The following USP24 variants were observed in gnomAD, a reference collection of about 807,000 sequenced individuals.
USP24 encodes ubiquitin carboxyl-terminal hydrolase 24.
A neutral mutation model predicts 361.6 loss-of-function variants in USP24; 97 were observed. The observed-to-expected ratio is 0.27, with a 90% CI of 0.23 to 0.32. The LOEUF is 0.32. Among genes scored for constraint, USP24 ranks in the 10% least tolerant of loss-of-function variants. The pLI is 1.00. For synonymous variants in USP24, 1,098 were observed against 1,124.6 expected, an observed-to-expected ratio of 0.98 and a Z score of 0.47; for missense variants, 2,353 against 3,165.6, an observed-to-expected ratio of 0.74 and a Z score of 6.16.
At chr1:55,121,620 C>T (rs1040558836) in intron 36 of USP24, 114 bp from the exon 37 acceptor site, 7 of 812,638 alleles carry the variant, frequency 8.6e-6, no homozygotes, top group Admixed American at 2.8e-5. Context: ...CTTTTACATA[C>T]AATAATTCAG....
intron 1 of USP24, among the ~76,000 whole-genome samples, chr1:55,197,239 C>A (rs1320826892): frequency 6.6e-6 from 1 of 151,654 alleles, no homozygotes; most frequent in Admixed American, 6.6e-5. Context: ...CTTATCATAC[C>A]CCCTACCCAC....
intron 32 of USP24, among the ~76,000 whole-genome samples, chr1:55,127,069 TTTTC>T (rs1230506359): frequency 2.0e-5 from 3 of 152,180 alleles, no homozygotes; most frequent in East Asian, 1.9e-4. Context: ...CCTCAGTTTT[TTTTC>T]TAAATTATTA....
At chr1:55,182,192 T>C (rs995271928) in intron 1 of USP24, among the ~76,000 whole-genome samples, 1 of 152,088 alleles carries the variant, frequency 6.6e-6, no homozygotes, top group African/African-American at 2.4e-5. Context: ...GCTGGGACTA[T>C]AGGCATGTGC....
chr1:55,095,189 A>G (rs1251247416), intron 51 of USP24, 66 bp downstream of exon 51: 1 of 1,512,324 alleles, frequency 6.6e-7, no homozygotes, highest in Non-Finnish European at 8.9e-7. Flanking sequence ...CTCAAATAGT[A>G]TATTGTCACA....
At chr1:55,077,176 A>G in intron 62 of USP24, 59 bp downstream of exon 62, 10 of 1,340,998 alleles carry the variant, frequency 7.5e-6, no homozygotes, top group South Asian at 1.8e-5. Context: ...TTTTATTTAT[A>G]AACACTTGTT....
At position 55,092,009 on chromosome 1, in the gene USP24, A is replaced by G. The variant is rs774158194; in HGVS notation, c.6554+14T>C. The G allele has an allele frequency of 1.7e-5, 27 of 1,579,822 alleles. No individual in the cohort carries two copies. The highest frequency in any genetic ancestry group is 1.8e-5 in the Non-Finnish European group (21 of 1,154,448). ...CTCTGTCACAACAGATTATCAAAAC[A>G]TATCACTTCTCACCTGAGTTTCTTC... On this transcript the variant is annotated intron_variant, in intron 54 of 67. Transcript: ENST00000294383.
chr1:55,180,306 T>C (rs1183408087), intron 1 of USP24, among the ~76,000 whole-genome samples: 2 of 152,124 alleles, frequency 1.3e-5, no homozygotes, highest in Non-Finnish European at 2.9e-5. Flanking sequence ...GCACTACAGC[T>C]TCCTCCTGGT....
At position 55,147,669 on chromosome 1, in the gene USP24, C is replaced by T. The variant is rs748856755; in HGVS notation, c.2098G>A (p.Gly700Ser). ...GGLSGSTLVDGRYTYREYLEA... is the reference protein window; with the variant it reads ...GGLSGSTLVDSRYTYREYLEA... ...GATACCTCCCGGTAAGTGTACCGGCCATCCACTAGTGTCGAGCCACTTAAG... is the reference window on the plus strand; with the variant it reads ...GATACCTCCCGGTAAGTGTACCGGCTATCCACTAGTGTCGAGCCACTTAAG... Residue 700 changes from glycine (G) to serine (S), a missense_variant, in exon 18 of 68, where the codon GGC (glycine) becomes AGC (serine). By Grantham distance (56) the Gly-to-Ser change is moderately conservative. Around this residue, in one of 8 missense-constraint regions of USP24, gnomAD observed 949 missense variants for 1,280.5 expected, o/e 0.74. Coordinates refer to ENST00000294383, the MANE Select transcript of USP24 (RefSeq NM_015306.3). 6.2e-7 allele frequency: 1 copy of T among 1,609,274 alleles called. No homozygotes were observed. The highest frequency in any genetic ancestry group is 8.5e-7 in the Non-Finnish European group (1 of 1,177,818).
intron 33 of USP24, 46 bp downstream of exon 33, chr1:55,125,617 A>G: frequency 6.3e-7 from 1 of 1,576,472 alleles, no homozygotes; most frequent in Admixed American, 1.8e-5. Flanking sequence ...TTGCGAAGAA[A>G]AAGTCAAGTA....
At chr1:55,155,706 T>G (rs1385718714) in intron 12 of USP24, among the ~76,000 whole-genome samples, 1 of 152,166 alleles carries the variant, frequency 6.6e-6, no homozygotes, top group Non-Finnish European at 1.5e-5. Flanking sequence ...GCCAACTTCC[T>G]GTTACGTTCT....
chr1:55,190,524 A>G (rs1644259093), intron 1 of USP24, among the ~76,000 whole-genome samples: 1 of 152,224 alleles, frequency 6.6e-6, no homozygotes, highest in Non-Finnish European at 1.5e-5. Context: ...ATAGCTCCGA[A>G]CAGACATAAT....
chr1:55,186,422 C>T (rs562380657), intron 1 of USP24, among the ~76,000 whole-genome samples: 12 of 152,318 alleles, frequency 7.9e-5, no homozygotes, highest in Admixed American at 7.2e-4. Flanking sequence ...CTACTGGATA[C>T]ACACATACCA....
intron 57 of USP24, 60 bp downstream of exon 57, chr1:55,083,712 A>C (rs1421392188): frequency 1.1e-5 from 15 of 1,329,680 alleles, no homozygotes; most frequent in East Asian, 1.0e-4. Flanking sequence ...CCAGTCTAAA[A>C]ATTTTTTAGA....
intron 67 of USP24, among the ~76,000 whole-genome samples, chr1:55,069,872 C>CAAAAAAAA (rs11365818): frequency 5.6e-5 from 2 of 35,666 alleles, no homozygotes; most frequent in African/African-American, 1.2e-4. Context: ...CACTCCATCT[C>CAAAAAAAA]AAAAAAAAAA....
intron 59 of USP24, 134 bp from the exon 60 acceptor site, chr1:55,079,793 T>TCACACA: frequency 9.5e-7 from 1 of 1,051,220 alleles, no homozygotes; most frequent in Non-Finnish European, 1.3e-6. Flanking sequence ...ACTCACACAC[T>TCACACA]GAGTACTCAC....
At chr1:55,086,364 A>G in intron 55 of USP24, 4 of 323,496 alleles carry the variant, frequency 1.2e-5, no homozygotes, top group Non-Finnish European at 2.4e-5. Flanking sequence ...TCTTGAAGGG[A>G]ATACCTAGAG....
Position 55,068,052 on chromosome 1 carries a change from G to A in USP24, c.*993C>T, listed in dbSNP as rs1318937311. ...TAACTATGAAACTCACAAGCAGTGT[G>A]TACCAACTCAAATAGTTAACTTCAT... On this transcript the variant is annotated 3_prime_UTR_variant, in exon 68 of 68. Transcript: ENST00000294383. 6.6e-6 allele frequency: 1 copy of A among 152,222 alleles called. No individual in the cohort carries two copies. Among genetic ancestry groups the A allele is most frequent in the Non-Finnish European group, 1.5e-5 (1 of 68,040 alleles). The allele number at this position is 152,222 out of a possible 1,614,324, so 9.4% of individuals were successfully genotyped here.
intron 35 of USP24, among the ~76,000 whole-genome samples, chr1:55,124,102 A>T (rs1170273721): frequency 2.6e-5 from 4 of 152,214 alleles, no homozygotes; most frequent in African/African-American, 4.8e-5. Flanking sequence ...AAGAGGCCTA[A>T]TGAAAAATAA....
At chr1:55,163,780 G>T (rs1216563196) in intron 7 of USP24, among the ~76,000 whole-genome samples, 1 of 151,958 alleles carries the variant, frequency 6.6e-6, no homozygotes, top group Non-Finnish European at 1.5e-5. Context: ...AACAAAATGA[G>T]GACTGAAAAT....
Sources: allele counts gnomAD v4.1 joint callset (sites outside exome capture counted in the v4.1 genomes callset), GRCh38; gene constraint gnomAD v4.1.1; regional missense constraint gnomAD v4.1.1; transcripts MANE v1.5; gene names NCBI Gene and HGNC (gene_info 2026-07-23, HGNC 2026-07-21).